Variants in MAP3K13 observed in about 807,000 individuals in gnomAD.
MAP3K13 encodes leucine zipper-bearing kinase.
MAP3K13 carries 52 observed loss-of-function variants against 104.0 expected under a neutral mutation model. The observed-to-expected ratio is 0.50, with a 90% CI of 0.40 to 0.63. MAP3K13 has a LOEUF of 0.63. Ranked by LOEUF, MAP3K13 falls within the 20% of genes least tolerant of loss-of-function variation. The probability of loss-of-function intolerance (pLI) is 0.00; values close to 1 mark genes in which losing one functional copy is unlikely to be tolerated. For synonymous variants in MAP3K13, 394 were observed against 442.2 expected (o/e 0.89, Z 1.37); for missense variants, 914 against 1,218.5 (o/e 0.75, Z 3.72).
intron 2 of MAP3K13, chr3:185,292,303 T>TA (rs754183268): frequency 1.9e-3 from 263 of 135,566 alleles, no homozygotes; most frequent in Middle Eastern, 7.6e-3. Context: ...AGACTCCGTC[T>TA]AAAAAAAAAA....
intron 1 of MAP3K13, among the ~76,000 whole-genome samples, chr3:185,366,599 T>C (rs1454274964): frequency 6.6e-6 from 1 of 152,178 alleles, no homozygotes; most frequent in African/African-American, 2.4e-5. Flanking sequence ...TCAACACTTG[T>C]TATTATCTAT....
chr3:185,355,364 G>A (rs575039681), intron 2 of MAP3K13, among the ~76,000 whole-genome samples: 2 of 152,150 alleles, frequency 1.3e-5, no homozygotes, highest in East Asian at 3.9e-4. Context: ...CTACTCCAGA[G>A]GCTGAGGCAG....
At chr3:185,353,081 T>C (rs1298718683) in intron 2 of MAP3K13, among the ~76,000 whole-genome samples, 1 of 152,236 alleles carries the variant, frequency 6.6e-6, no homozygotes, top group Non-Finnish European at 1.5e-5. Flanking sequence ...TAACGTATAA[T>C]TACATTCATG....
chr3:185,414,898 G>A lies in MAP3K13; in HGVS notation c.-85-13599G>A, dbSNP rs576319390. Among the ~76,000 whole-genome samples, 11 of 152,210 alleles carry A rather than the reference G, an allele frequency of 7.2e-5. No individual in the cohort carries two copies. The South Asian group carries it at 1.2e-3, about 17-fold the overall frequency. ...ATTCAGAAAGATTTTTTGGCCAGGC[G>A]TGGTGGCTCATGCCTGTAATCCTAG... On this transcript the variant is annotated intron_variant, in intron 1 of 13. Transcript: ENST00000265026.
At chr3:185,369,935 T>C (rs529060409) in intron 1 of MAP3K13, among the ~76,000 whole-genome samples, 1 of 152,326 alleles carries the variant, frequency 6.6e-6, no homozygotes, top group South Asian at 2.1e-4. Context: ...TAGGAGTCTA[T>C]GTAGCAATCA....
At chr3:185,470,349 C>A (rs1717703951) in intron 10 of MAP3K13, among the ~76,000 whole-genome samples, 2 of 152,156 alleles carry the variant, frequency 1.3e-5, no homozygotes, top group Non-Finnish European at 2.9e-5. Context: ...CACCTGCAGG[C>A]CTTGGAGTCA....
At chr3:185,290,867 T>C in intron 2 of MAP3K13, among the ~76,000 whole-genome samples, 1 of 152,082 alleles carries the variant, frequency 6.6e-6, no homozygotes, top group East Asian at 1.9e-4. Context: ...ATAAACAGAA[T>C]GAGCACAAAA....
chr3:185,290,281 A>G (rs938130441), intron 2 of MAP3K13, among the ~76,000 whole-genome samples: 20 of 152,332 alleles, frequency 1.3e-4, no homozygotes, highest in African/African-American at 4.8e-4. Flanking sequence ...AAATTAGGTT[A>G]TAGAAAATAT....
chr3:185,473,329 C>G lies in MAP3K13; in HGVS notation c.1998C>G (p.Cys666Trp). The stretch of plus-strand genomic sequence containing the variant: ...TGCACGGACAGGACATAGCAACCTG[C>G]GCCAACAACCTGAGGTATTTCGGCC... ...LNMHGQDIAT[C>W]ANNLRYFGPA... The change falls in exon 11 of 14, where the codon TGC (cysteine) becomes TGG (tryptophan). Residue 666 changes from cysteine (C) to tryptophan (W), a missense_variant. Transcript: ENST00000265026. This position sits in a 1 kb window ranked among gnomAD's most constrained non-coding sequence, Gnocchi z 4.9. 2 of 1,614,212 alleles carry G rather than the reference C, an allele frequency of 1.2e-6. No individual in the cohort carries two copies. Among genetic ancestry groups the G allele is most frequent in the Non-Finnish European group, 1.7e-6 (2 of 1,180,040 alleles).
intron 1 of MAP3K13, among the ~76,000 whole-genome samples, chr3:185,416,198 C>T (rs539091511): frequency 1.3e-5 from 2 of 152,148 alleles, no homozygotes; most frequent in East Asian, 3.9e-4. Context: ...ATATATCAAC[C>T]CGTTCCCCTC....
chr3:185,457,424 C>G (rs951629941), intron 7 of MAP3K13, among the ~76,000 whole-genome samples: 3 of 152,190 alleles, frequency 2.0e-5, no homozygotes, highest in Admixed American at 6.5e-5. Context: ...AAGGCACCAG[C>G]AGAGTTGGTG....
intron 7 of MAP3K13, among the ~76,000 whole-genome samples, chr3:185,461,574 T>G (rs2148913347): frequency 6.6e-6 from 1 of 152,250 alleles, no homozygotes; most frequent in East Asian, 1.9e-4. Context: ...TTTTAATTTT[T>G]TTTCTGAGAT....
chr3:185,411,781 C>CT (rs67723912), intron 1 of MAP3K13, among the ~76,000 whole-genome samples: 76 of 93,992 alleles, frequency 8.1e-4, no homozygotes, highest in South Asian at 3.2e-3. Context: ...GCAGTTATGT[C>CT]TTTTTTTTTT....
rs1216547357 is a variant in MAP3K13, at chr3:185,373,582, C to CAG, written c.-86+10215_-86+10216dup. 2.6e-5 allele frequency among the ~76,000 whole-genome samples: 4 copies of CAG among 152,196 alleles called. No individual in the cohort carries two copies. In the East Asian group the frequency reaches 7.7e-4, roughly 29 times the overall value. The stretch of plus-strand genomic sequence containing the variant: ...ACTTGAACCCAGGAGGCGGAGGTTG[C>CAG]AGTGAGCGGAGATCATGCCACTGCA... On this transcript the variant is annotated intron_variant, in intron 1 of 13. Transcript: ENST00000265026.
chr3:185,482,811 CAA>C lies in MAP3K13; in HGVS notation c.*365_*366del, dbSNP rs3834186. On this transcript the variant is annotated 3_prime_UTR_variant, in exon 14 of 14. Coordinates refer to ENST00000265026, the MANE Select transcript of MAP3K13 (RefSeq NM_004721.5). This position sits in a 1 kb window ranked among gnomAD's most constrained non-coding sequence, Gnocchi z 4.5. ...GAGATAGAGAGACAATAATTTCTTG[CAA>C]AAAAAAAAAGAGATAAAAGAAAGAA... The C allele has an allele frequency of 6.1e-5, 12 of 197,262 alleles. No homozygotes were observed. Among genetic ancestry groups the C allele is most frequent in the East Asian group, 2.1e-4 (3 of 14,604 alleles). 12.2% of individuals were successfully genotyped at this position (197,262 alleles called of 1,614,324 possible). A position where few individuals can be genotyped will look rare whatever the true frequency, so the allele number is the denominator to read the frequency against.
At position 185,443,586 on chromosome 3, in the gene MAP3K13, G is replaced by T. The variant is rs200723196; in HGVS notation, c.801G>T (p.Met267Ile). ...GGTCCACAGGAATTGCAAGTGGAAT[G>T]AATTATTTGCACCTCCATAAAATTA... is the stretch of plus-strand genomic sequence containing the variant. ...VDWSTGIASG[M>I]NYLHLHKIIH... Residue 267 changes from methionine to isoleucine, a missense_variant, in exon 4 of 14, where the codon ATG becomes ATT. Physicochemically the swap from Met to Ile is conservative, Grantham distance 10. Coordinates refer to ENST00000265026, the MANE Select transcript of MAP3K13 (RefSeq NM_004721.5). 3 of 1,614,128 alleles carry T rather than the reference G, an allele frequency of 1.9e-6. No individual in the cohort carries two copies. The highest frequency in any genetic ancestry group is 1.7e-5 in the Admixed American group (1 of 60,022).
chr3:185,457,166 G>C (rs1180927175), intron 7 of MAP3K13, among the ~76,000 whole-genome samples: 1 of 151,380 alleles, frequency 6.6e-6, no homozygotes. Context: ...ACCGCTCCCA[G>C]ATTATCAAGA....
chr3:185,462,643 C>T (rs1251760934), intron 7 of MAP3K13, among the ~76,000 whole-genome samples: 1 of 152,046 alleles, frequency 6.6e-6, no homozygotes. Flanking sequence ...TGTGGTGGCA[C>T]GTTCCTGTAA....
At chr3:185,466,589 C>A (rs544053111) in intron 9 of MAP3K13, among the ~76,000 whole-genome samples, 54 of 152,138 alleles carry the variant, frequency 3.5e-4, no homozygotes, top group Middle Eastern at 6.8e-3. Context: ...GTTGCCCAGG[C>A]TGGTCTCGAA....
Sources: allele counts gnomAD v4.1 joint callset (sites outside exome capture counted in the v4.1 genomes callset), GRCh38; gene constraint gnomAD v4.1.1; non-coding constraint Gnocchi (gnomAD v3.1); transcripts MANE v1.5; gene names NCBI Gene and HGNC (gene_info 2026-07-23, HGNC 2026-07-21).